PRDM15: variants seen among roughly 807,000 people sequenced by gnomAD.
The protein encoded by PRDM15 is PR domain zinc finger protein 15.
PRDM15 carries 64 observed loss-of-function variants against 128.6 expected under a neutral mutation model. The observed-to-expected ratio is 0.50, with a 90% CI of 0.41 to 0.61. The LOEUF (loss-of-function observed/expected upper bound fraction) is 0.61, where lower values mean the gene tolerates loss of function less well. PRDM15 is among the 20% of genes least tolerant of loss of function. PRDM15 has a pLI of 0.00. For missense variants in PRDM15, 1,242 were observed against 1,569.1 expected (o/e 0.79, Z 3.52); for synonymous variants, 615 against 621.8 (o/e 0.99, Z 0.16).
rs1020230997 is a variant in PRDM15 at position 41,862,510 on chromosome 21, G to A, written c.-9-2138C>T. 2.1e-4 allele frequency among the ~76,000 whole-genome samples: 32 copies of A among 152,276 alleles called. No homozygotes were observed. The highest frequency in any genetic ancestry group is 6.5e-4 in the African/African-American group (27 of 41,556). On this transcript the variant is annotated intron_variant, in intron 1 of 23. Transcript: ENST00000398548. The surrounding 1 kb of genome is among the most constrained non-coding windows in gnomAD (Gnocchi z 4.1). The stretch of plus-strand genomic sequence containing the variant: ...CTGGGAGAGGAAACCCAGAAGAGAG[G>A]GGCGAGGGAAGCTGGAGAGCAGGGT...
Position 41,867,249 on chromosome 21 carries a change from C to T in PRDM15, c.-9-6877G>A, listed in dbSNP as rs758495764. Reference sequence around the variant, plus strand: ...CTCTGCTGCGCCGGTAGTCAAACTTCGTAACACCAAAAGGAGTTAAGATGC... The same window carrying T: ...CTCTGCTGCGCCGGTAGTCAAACTTTGTAACACCAAAAGGAGTTAAGATGC... On this transcript the variant is annotated intron_variant, in intron 1 of 23. Transcript: ENST00000398548. The T allele has an allele frequency of 6.3e-5, 91 of 1,449,150 alleles. No homozygotes were observed. In the Admixed American group the frequency reaches 1.5e-3, roughly 24 times the overall value. The allele number at this position is 1,449,150 out of a possible 1,614,324, so 89.8% of individuals were successfully genotyped here.
intron 19 of PRDM15, among the ~76,000 whole-genome samples, chr21:41,815,126 G>C (rs1364448502): frequency 6.6e-6 from 1 of 151,644 alleles, no homozygotes; most frequent in African/African-American, 2.4e-5. Context: ...TCTTGTGTTA[G>C]AGATGGCGCA....
intron 6 of PRDM15, 141 bp from the exon 7 acceptor site, chr21:41,839,994 T>TAG: frequency 4.5e-6 from 3 of 666,218 alleles, no homozygotes; most frequent in Non-Finnish European, 7.8e-6. Context: ...TTATTTCTAC[T>TAG]GTTTTATTTC....
chr21:41,860,119 G>A (rs1461057672), intron 2 of PRDM15, among the ~76,000 whole-genome samples: 1 of 152,232 alleles, frequency 6.6e-6, no homozygotes, highest in African/African-American at 2.4e-5. Flanking sequence ...CAGGAGTTCT[G>A]AGAAAGGTGA....
chr21:41,818,890 G>A (rs941129394), intron 18 of PRDM15, among the ~76,000 whole-genome samples: 1 of 152,164 alleles, frequency 6.6e-6, no homozygotes, highest in Non-Finnish European at 1.5e-5. Flanking sequence ...ATTAATGAAT[G>A]TTCTGTCGTT....
chr21:41,856,895 A>G (rs1444442939), intron 4 of PRDM15, among the ~76,000 whole-genome samples: 1 of 152,272 alleles, frequency 6.6e-6, no homozygotes. Flanking sequence ...TGGAGGTCGT[A>G]AGACAGCTGG....
chr21:41,801,478 A>G lies in PRDM15; in HGVS notation c.3188T>C (p.Ile1063Thr). The G allele has an allele frequency of 1.2e-6, 2 of 1,614,150 alleles. No homozygotes were observed. The highest frequency in any genetic ancestry group is 1.1e-5 in the South Asian group (1 of 91,088). ...GTTCGAGGCTTCCGGCTGGGGGTGGATCTGGACGTCATTTTGGCGGTTGTG... is the reference window on the plus strand; with the variant it reads ...GTTCGAGGCTTCCGGCTGGGGGTGGGTCTGGACGTCATTTTGGCGGTTGTG... ...MLHNRQNDVQ[I>T]HPQPEASNPQ... The change falls in exon 24 of 24, where the codon ATC (isoleucine) becomes ACC (threonine). Residue 1063 changes from isoleucine (I) to threonine (T), a missense_variant. Ile to Thr is a moderately conservative substitution (Grantham distance 89). Transcript: ENST00000398548.
chr21:41,821,944 C>A lies in PRDM15; in HGVS notation c.1855G>T (p.Ala619Ser). ...EENDDNSDES[A>S]DSEPHKYSCK... ...CTGTACTTGTGAGGCTCCGAGTCTGCGCTCTCGTCAGAATTGTCATCGTTT... is the reference window on the plus strand; with the variant it reads ...CTGTACTTGTGAGGCTCCGAGTCTGAGCTCTCGTCAGAATTGTCATCGTTT... Residue 619 changes from alanine (A) to serine (S), a missense_variant, in exon 15 of 24, where the codon GCA becomes TCA. Ala to Ser is a moderately conservative substitution (Grantham distance 99, BLOSUM62 1). Transcript: ENST00000398548. This position sits in a 1 kb window ranked among gnomAD's most constrained non-coding sequence, Gnocchi z 5.4. 2 of 1,614,186 alleles carry A rather than the reference C, an allele frequency of 1.2e-6. No homozygotes were observed. The highest frequency in any genetic ancestry group is 1.7e-5 in the Admixed American group (1 of 60,036).
chr21:41,835,350 C>A, intron 11 of PRDM15, 87 bp downstream of exon 11: 1 of 1,074,018 alleles, frequency 9.3e-7, no homozygotes, highest in Non-Finnish European at 1.4e-6. Flanking sequence ...ACAATCTTTA[C>A]TTTGGCCTAA....
intron 6 of PRDM15, among the ~76,000 whole-genome samples, chr21:41,842,428 T>A (rs2063101394): frequency 6.6e-6 from 1 of 152,268 alleles, no homozygotes; most frequent in African/African-American, 2.4e-5. Context: ...CAATAATCAG[T>A]GTATTCATAA....
rs1250993124 is a variant in PRDM15, at chr21:41,871,424, GC to G, written c.-10+7845del. 3 of 1,286,276 alleles carry G rather than the reference GC, an allele frequency of 2.3e-6. No homozygotes were observed. The African/African-American group carries it at 4.6e-5, about 20-fold the overall frequency. 79.7% of individuals were successfully genotyped at this position (1,286,276 alleles called of 1,614,324 possible). A position where few individuals can be genotyped will look rare whatever the true frequency, so the allele number is the denominator to read the frequency against. On this transcript the variant is annotated intron_variant, in intron 1 of 23. Transcript: ENST00000398548. ...TCACTGTCCCTCTTAAGCAGCAGCT[GC>G]CATTGTTAAAGCCACAGGCTGTCCC... is the stretch of plus-strand genomic sequence containing the variant.
chr21:41,842,069 T>G (rs1448141536), intron 6 of PRDM15, among the ~76,000 whole-genome samples: 2 of 152,066 alleles, frequency 1.3e-5, no homozygotes, highest in African/African-American at 4.8e-5. Flanking sequence ...ATGAAAAGTA[T>G]AAAAAGCAAA....
Position 41,854,557 on chromosome 21 carries a change from G to A in PRDM15, c.538+9C>T, listed in dbSNP as rs745948648. The A allele has an allele frequency of 1.7e-5, 27 of 1,611,778 alleles. No homozygotes were observed. Among genetic ancestry groups the A allele is most frequent in the South Asian group, 4.4e-5 (4 of 91,090 alleles). ...GAAGGTGGGCTCCGGATCGGGGGCC[G>A]CCACATACCGTGGACGCCAGAGCCG... On this transcript the variant is annotated intron_variant, in intron 5 of 23. Transcript: ENST00000398548. The surrounding 1 kb of genome is among the most constrained non-coding windows in gnomAD (Gnocchi z 4.6).
intron 5 of PRDM15, among the ~76,000 whole-genome samples, chr21:41,848,480 C>T (rs1011135706): frequency 6.6e-6 from 1 of 152,212 alleles, no homozygotes; most frequent in Non-Finnish European, 1.5e-5. Flanking sequence ...TTCCCTTTTA[C>T]GCTTGCTCTC....
chr21:41,809,790 C>T (rs186501442), intron 21 of PRDM15, among the ~76,000 whole-genome samples: 8 of 152,282 alleles, frequency 5.3e-5, no homozygotes, highest in African/African-American at 1.7e-4. Flanking sequence ...CTTCCCCCTC[C>T]CCATCCTCGG....
At chr21:41,834,706 C>A in intron 11 of PRDM15, 1 of 672,472 alleles carries the variant, frequency 1.5e-6, no homozygotes, top group Non-Finnish European at 2.6e-6. Flanking sequence ...TGCACGTCAT[C>A]ACTGCAGAAT....
chr21:41,863,590 T>C (rs1252611123), intron 1 of PRDM15, among the ~76,000 whole-genome samples: 1 of 151,264 alleles, frequency 6.6e-6, no homozygotes, highest in Non-Finnish European at 1.5e-5. Context: ...TCTAACCTGG[T>C]GGTAAACGGG....
At chr21:41,836,850 C>A (rs2062914071) in intron 8 of PRDM15, 1 of 458,514 alleles carries the variant, frequency 2.2e-6, no homozygotes, top group South Asian at 3.5e-5. Flanking sequence ...TGACATTAGG[C>A]AGCTTTAGCT....
chr21:41,876,799 C>T (rs956585298), intron 1 of PRDM15, among the ~76,000 whole-genome samples: 9 of 152,210 alleles, frequency 5.9e-5, no homozygotes, highest in East Asian at 3.8e-4. Context: ...AGCAGGCCTG[C>T]CTGGCTCTGG....
Sources: allele counts gnomAD v4.1 joint callset (sites outside exome capture counted in the v4.1 genomes callset), GRCh38; gene constraint gnomAD v4.1.1; non-coding constraint Gnocchi (gnomAD v3.1); transcripts MANE v1.5; gene names NCBI Gene and HGNC (gene_info 2026-07-23, HGNC 2026-07-21).